SF3B2: variants seen among roughly 807,000 people sequenced by gnomAD.
The protein encoded by SF3B2 is SAP 145.
SF3B2 carries 22 observed loss-of-function variants against 116.3 expected under a neutral mutation model. That is an observed-to-expected ratio of 0.19 (90% CI 0.14 to 0.27). The LOEUF (loss-of-function observed/expected upper bound fraction) is 0.27. SF3B2 is among the 10% of genes least tolerant of loss of function. The pLI is 1.00. For synonymous variants in SF3B2, 406 were observed against 421.6 expected (o/e 0.96, Z 0.45); for missense variants, 767 against 1,151.4 (o/e 0.67, Z 4.83).
rs1857244779 is a variant in SF3B2, at chr11:66,069,136, A to G, written c.*391A>G. On this transcript the variant is annotated 3_prime_UTR_variant, in exon 22 of 22. Coordinates refer to ENST00000322535, the MANE Select transcript of SF3B2 (RefSeq NM_006842.3). ...CCTCTAGGTCTGGTTTGACCTTACT[A>G]CTTTGTCCTTGGGGAGTAAAAATAG... 5 of 357,600 alleles carry G rather than the reference A, an allele frequency of 1.4e-5. No individual in the cohort carries two copies. The highest frequency in any genetic ancestry group is 6.6e-5 in the South Asian group (3 of 45,626). The allele number at this position is 357,600 out of a possible 1,614,324, so 22.2% of individuals were successfully genotyped here.
At chr11:66,068,532 G>C (rs142808910) in intron 21 of SF3B2, 142 bp from the exon 22 acceptor site, 20,646 of 857,024 alleles carry the variant, frequency 0.024, 355 homozygotes, top group Middle Eastern at 0.054. Context: ...ACTCAGCCAA[G>C]TCTGAGAGGG....
chr11:66,063,128 G>A lies in SF3B2; in HGVS notation c.2085+12G>A, dbSNP rs777386858. 6.3e-7 allele frequency: 1 copy of A among 1,582,718 alleles called. No homozygotes were observed. The highest frequency in any genetic ancestry group is 8.7e-7 in the Non-Finnish European group (1 of 1,154,372). Reference sequence around the variant, plus strand: ...CTGCTGAATTTCAGGTATGGGCCATGTACTAGCGATCTTGGTTTTACTTAA... The same window carrying A: ...CTGCTGAATTTCAGGTATGGGCCATATACTAGCGATCTTGGTTTTACTTAA... On this transcript the variant is annotated intron_variant, in intron 17 of 21. Coordinates refer to ENST00000322535, the MANE Select transcript of SF3B2 (RefSeq NM_006842.3).
At chr11:66,068,617 T>G in intron 21 of SF3B2, 57 bp from the exon 22 acceptor site, 2 of 1,472,990 alleles carry the variant, frequency 1.4e-6, no homozygotes, top group Non-Finnish European at 1.9e-6. Flanking sequence ...ACCCTTGTTT[T>G]GGGGGTCCGG....
rs758735801 is a variant in SF3B2, at chr11:66,058,957, C to G, written c.1094C>G (p.Ala365Gly). Residue 365 changes from alanine (A) to glycine (G), a missense_variant, in exon 10 of 22, where the codon GCT becomes GGT. Coordinates refer to ENST00000322535, the MANE Select transcript of SF3B2 (RefSeq NM_006842.3). ...TRSRGSDSPA[A>G]DVEIEYVTEE... ...TCCCGTGGCTCTGATTCCCCAGCAG[C>G]TGATGTTGAGATTGAGTATGTGACT... 6.2e-7 allele frequency: 1 copy of G among 1,614,042 alleles called. No individual in the cohort carries two copies. Among genetic ancestry groups the G allele is most frequent in the African/African-American group, 1.3e-5 (1 of 74,894 alleles).
intron 3 of SF3B2, 132 bp from the exon 4 acceptor site, chr11:66,054,944 C>G: frequency 1.2e-6 from 1 of 825,974 alleles, no homozygotes; most frequent in Non-Finnish European, 1.8e-6. Context: ...GTGGAGCATT[C>G]TCTCTTATGG....
chr11:66,058,023 T>G, intron 7 of SF3B2, 31 bp from the exon 8 acceptor site: 1 of 1,498,002 alleles, frequency 6.7e-7, no homozygotes, highest in South Asian at 1.2e-5. Flanking sequence ...GGCACTGTGA[T>G]TTGCCTTCTC....
chr11:66,060,513 T>G (rs1042187558), intron 13 of SF3B2, 69 bp from the exon 14 acceptor site: 26 of 1,573,432 alleles, frequency 1.7e-5, no homozygotes, highest in Middle Eastern at 1.7e-4. Flanking sequence ...CATTTGGAGT[T>G]GGGAGCTGGA....
rs1462411199 is a variant in SF3B2 at position 66,059,880 on chromosome 11, G to A, written c.1500G>A (p.Val500=). 6.2e-7 allele frequency: 1 copy of A among 1,614,096 alleles called. No individual in the cohort carries two copies. The highest frequency in any genetic ancestry group is 8.5e-7 in the Non-Finnish European group (1 of 1,180,052). The change falls in exon 13 of 22, where the codon GTG becomes GTA. Residue 500 remains valine, a synonymous_variant. Coordinates refer to ENST00000322535, the MANE Select transcript of SF3B2 (RefSeq NM_006842.3). The surrounding 1 kb of genome is among the most constrained non-coding windows in gnomAD (Gnocchi z 5.0). The stretch of plus-strand genomic sequence containing the variant: ...AGGCCACTCGGAACTCTGTGCCTGT[G>A]CCACGCCACTGGTGTTTTAAGCGCA... ...HLKATRNSVP[V]PRHWCFKRKY...
intron 19 of SF3B2, chr11:66,067,075 C>G (rs1172041373): frequency 4.0e-5 from 9 of 226,738 alleles, no homozygotes; most frequent in Non-Finnish European, 6.2e-5. Flanking sequence ...TGTGTAGTGT[C>G]TTGAAAACCA....
intron 1 of SF3B2, 51 bp downstream of exon 1, chr11:66,052,568 A>G (rs572121408): frequency 2.5e-6 from 4 of 1,596,166 alleles, no homozygotes; most frequent in Middle Eastern, 3.4e-4. Context: ...GGAGAAGCGG[A>G]GCCTGGTTAC....
intron 13 of SF3B2, 43 bp downstream of exon 13, chr11:66,060,052 A>G: frequency 6.4e-7 from 1 of 1,560,590 alleles, no homozygotes; most frequent in Non-Finnish European, 8.8e-7. Flanking sequence ...GGGTGTCCCC[A>G]TCCTTCATAG....
intron 9 of SF3B2, 142 bp from the exon 10 acceptor site, chr11:66,058,688 T>G (rs1857045719): frequency 1.4e-6 from 1 of 723,038 alleles, no homozygotes; most frequent in African/African-American, 1.8e-5. Context: ...CAAGGCCCCT[T>G]CGCAGCTACT....
intron 19 of SF3B2, chr11:66,064,726 C>G (rs1004971302): frequency 5.9e-5 from 9 of 152,088 alleles, no homozygotes; most frequent in African/African-American, 2.2e-4. Context: ...TCTCAGTACT[C>G]TCAGTACTTT....
chr11:66,060,468 T>A (rs1190569047), intron 13 of SF3B2, 114 bp from the exon 14 acceptor site: 1 of 1,286,010 alleles, frequency 7.8e-7, no homozygotes, highest in Non-Finnish European at 1.1e-6. Flanking sequence ...TTTTGATGAC[T>A]TTCAGGGTGA....
chr11:66,059,038 C>T lies in SF3B2; in HGVS notation c.1175C>T (p.Ala392Val). 1 of 1,613,830 alleles carries T rather than the reference C, an allele frequency of 6.2e-7. No individual in the cohort carries two copies. The highest frequency in any genetic ancestry group is 8.5e-7 in the Non-Finnish European group (1 of 1,179,860). ...ATCTTCTTTAAGAGGATCTTTGAGGCTTTTAAGGTACAAGGAGAGCACACT... is the reference window on the plus strand; with the variant it reads ...ATCTTCTTTAAGAGGATCTTTGAGGTTTTTAAGGTACAAGGAGAGCACACT... Reference protein sequence around the residue: ...NFIFFKRIFEAFKLTDDVKKE... With the variant: ...NFIFFKRIFEVFKLTDDVKKE... The change falls in exon 10 of 22, where the codon GCT (alanine) becomes GTT (valine). Residue 392 changes from alanine to valine, a missense_variant. Physicochemically the swap from Ala to Val is moderately conservative, Grantham distance 64 (BLOSUM62 0). This residue lies in a region of SF3B2 where 455 missense variants were observed against 537.5 expected (regional missense o/e 0.85). Coordinates refer to ENST00000322535, the MANE Select transcript of SF3B2 (RefSeq NM_006842.3). This position sits in a 1 kb window ranked among gnomAD's most constrained non-coding sequence, Gnocchi z 5.0.
rs913803121 is a variant in SF3B2, at chr11:66,052,370, C to T, written c.-15C>T. ...CCCAGCTTCCGGGTTGGTCGCGCGC[C>T]TTCCTGCGGCTAAGATGGCGACGGA... On this transcript the variant is annotated 5_prime_UTR_variant, in exon 1 of 22. Coordinates refer to ENST00000322535, the MANE Select transcript of SF3B2 (RefSeq NM_006842.3). The T allele has an allele frequency of 1.9e-6, 3 of 1,606,460 alleles. No homozygotes were observed. Among genetic ancestry groups the T allele is most frequent in the Admixed American group, 1.7e-5 (1 of 59,470 alleles).
Position 66,068,158 on chromosome 11 carries a change from G to A in SF3B2, c.2441G>A (p.Arg814Gln), listed in dbSNP as rs752076692. 9 of 1,614,132 alleles carry A rather than the reference G, an allele frequency of 5.6e-6. No homozygotes were observed. Among genetic ancestry groups the A allele is most frequent in the South Asian group, 2.2e-5 (2 of 91,078 alleles). Reference sequence around the variant, plus strand: ...TGATCTCCTTTCCAGGTTATGAGCCGGAAGGGCCCGGCTCCTGAGCTGCAA... The same window carrying A: ...TGATCTCCTTTCCAGGTTATGAGCCAGAAGGGCCCGGCTCCTGAGCTGCAA... ...HIYDMSTVMS[R>Q]KGPAPELQGV... The change falls in exon 21 of 22, where the codon CGG becomes CAG. Residue 814 changes from arginine to glutamine, a missense_variant. By Grantham distance (43) the Arg-to-Gln change is conservative (BLOSUM62 1). Around this residue, in one of 4 missense-constraint regions of SF3B2, gnomAD observed 282 missense variants for 568.0 expected, o/e 0.50. Coordinates refer to ENST00000322535, the MANE Select transcript of SF3B2 (RefSeq NM_006842.3).
In SF3B2 at chr11:66,059,942, C is replaced by A. The variant is rs148046619; in HGVS notation, c.1562C>A (p.Pro521His). ...LQGKRGIEKP[P>H]FELPDFIKRT... ...GGCAAACGGGGCATTGAGAAGCCCC[C>A]CTTCGAGCTGCCAGACTTCATCAAA... Residue 521 changes from proline to histidine, a missense_variant, in exon 13 of 22, where the codon CCC (proline) becomes CAC (histidine). Around this residue, in one of 4 missense-constraint regions of SF3B2, gnomAD observed 282 missense variants for 568.0 expected, o/e 0.50. Coordinates refer to ENST00000322535, the MANE Select transcript of SF3B2 (RefSeq NM_006842.3). This position sits in a 1 kb window ranked among gnomAD's most constrained non-coding sequence, Gnocchi z 5.0. 1.2e-6 allele frequency: 2 copies of A among 1,614,226 alleles called. No homozygotes were observed. The highest frequency in any genetic ancestry group is 2.2e-5 in the East Asian group (1 of 44,886).
intron 5 of SF3B2, 141 bp from the exon 6 acceptor site, chr11:66,056,697 G>C (rs1857001021): frequency 1.6e-6 from 1 of 638,008 alleles, no homozygotes; most frequent in East Asian, 2.8e-5. Flanking sequence ...CTGGAAGTGT[G>C]GGGGTGGAGG....
Sources: gnomAD v4.1 joint callset for allele counts on GRCh38, gnomAD v4.1.1 for gene constraint, gnomAD v4.1.1 regional missense constraint, Gnocchi (gnomAD v3.1) non-coding constraint, MANE v1.5 for transcripts, NCBI Gene and HGNC (gene_info 2026-07-23, HGNC 2026-07-21) for gene names.